Variants in GRIA1 observed in about 807,000 individuals in gnomAD.
GRIA1 encodes the protein glutamate receptor 1.
Under a neutral mutation model 99.2 loss-of-function variants are expected in GRIA1, and 31 were observed. The ratio of observed to expected loss-of-function variants is 0.31; its 90% CI spans 0.23 to 0.42. GRIA1 has a LOEUF of 0.42. Among genes scored for constraint, GRIA1 ranks in the 10% least tolerant of loss-of-function variants. GRIA1 has a pLI of 1.00. For missense variants in GRIA1, 782 were observed against 1,157.5 expected (o/e 0.68, Z 4.71); for synonymous variants, 438 against 432.4 (o/e 1.01, Z -0.16).
rs181793801 is a variant in GRIA1 at position 153,556,997 on chromosome 5, A to G, written c.220+62932A>G. Among the ~76,000 whole-genome samples the G allele has an allele frequency of 1.3e-3, 204 of 152,332 alleles. 1 individual carries two copies. Among genetic ancestry groups the G allele is most frequent in the Non-Finnish European group, 1.7e-3 (115 of 68,034 alleles). On this transcript the variant is annotated intron_variant, in intron 2 of 15. Coordinates refer to ENST00000285900, the MANE Select transcript of GRIA1 (RefSeq NM_000827.4). The stretch of plus-strand genomic sequence containing the variant: ...ATGTTACTGTACTGAATACTGAGGC[A>G]AGTGTAACACAATGGTAAGTATTTG...
At chr5:153,663,546 A>G (rs1755526762) in intron 5 of GRIA1, among the ~76,000 whole-genome samples, 2 of 152,330 alleles carry the variant, frequency 1.3e-5, no homozygotes, top group South Asian at 2.1e-4. Context: ...ATTAATGTGG[A>G]TCTCATAAGA....
rs147346883 is a variant in GRIA1 at position 153,660,227 on chromosome 5, A to G, written c.699+4355A>G. The stretch of plus-strand genomic sequence containing the variant: ...TGAGACACTTGAGTCACTGAATTAG[A>G]ATTCCTTAAACCCCTAATAAATTAC... On this transcript the variant is annotated intron_variant, in intron 5 of 15. Coordinates refer to ENST00000285900, the MANE Select transcript of GRIA1 (RefSeq NM_000827.4). Among the ~76,000 whole-genome samples the G allele has an allele frequency of 6.6e-5, 10 of 152,318 alleles. No homozygotes were observed. The East Asian group carries it at 1.9e-3, about 29-fold the overall frequency.
chr5:153,783,439 G>A (rs1764766011), intron 13 of GRIA1, among the ~76,000 whole-genome samples: 1 of 152,188 alleles, frequency 6.6e-6, no homozygotes, highest in Non-Finnish European at 1.5e-5. Context: ...CAAATGAACT[G>A]TTGACACCTG....
At chr5:153,492,167 A>G in intron 1 of GRIA1, 1 of 1,503,602 alleles carries the variant, frequency 6.7e-7, no homozygotes. Flanking sequence ...TTGAGGGGGG[A>G]TGTGGTGCAA....
chr5:153,610,028 A>T (rs1336414791), intron 2 of GRIA1, among the ~76,000 whole-genome samples: 1 of 152,210 alleles, frequency 6.6e-6, no homozygotes, highest in Non-Finnish European at 1.5e-5. Context: ...TACTGTCTGC[A>T]TGCCTGGAAG....
At chr5:153,490,098 T>C (rs946608810), upstream of GRIA1, among the ~76,000 whole-genome samples, 8 of 151,896 alleles carry the variant, frequency 5.3e-5, no homozygotes, top group African/African-American at 1.9e-4. Context: ...TCCTTTAAAT[T>C]TCCTAGGAGG....
intron 11 of GRIA1, among the ~76,000 whole-genome samples, chr5:153,721,608 G>T (rs1760076195): frequency 6.6e-6 from 1 of 152,134 alleles, no homozygotes; most frequent in Non-Finnish European, 1.5e-5. Context: ...CTACTGAATA[G>T]AATTATATAG....
At chr5:153,623,354 G>T in intron 2 of GRIA1, among the ~76,000 whole-genome samples, 1 of 152,110 alleles carries the variant, frequency 6.6e-6, no homozygotes, top group East Asian at 1.9e-4. Context: ...TGAAATCTGC[G>T]GTTGTTTCTT....
At chr5:153,542,846 T>C (rs1759252631) in intron 2 of GRIA1, among the ~76,000 whole-genome samples, 1 of 152,218 alleles carries the variant, frequency 6.6e-6, no homozygotes, top group Admixed American at 6.5e-5. Context: ...TCACATTATA[T>C]TATAATAGTT....
intron 2 of GRIA1, among the ~76,000 whole-genome samples, chr5:153,512,314 A>G (rs1032092425): frequency 5.3e-5 from 8 of 152,230 alleles, no homozygotes; most frequent in African/African-American, 1.7e-4. Context: ...AATAGGAATA[A>G]TAGTGTCATA....
At chr5:153,589,313 T>C (rs1260092603) in intron 2 of GRIA1, among the ~76,000 whole-genome samples, 2 of 152,196 alleles carry the variant, frequency 1.3e-5, no homozygotes, top group Non-Finnish European at 2.9e-5. Context: ...CTAATGGAAG[T>C]GCCCCGAGCA....
At chr5:153,664,848 C>T (rs912164589) in intron 5 of GRIA1, among the ~76,000 whole-genome samples, 4 of 152,096 alleles carry the variant, frequency 2.6e-5, no homozygotes, top group African/African-American at 9.7e-5. Context: ...CAATGGGCAC[C>T]TACTATATGG....
chr5:153,739,240 T>C (rs1188750605), intron 11 of GRIA1, among the ~76,000 whole-genome samples: 6 of 152,176 alleles, frequency 3.9e-5, no homozygotes, highest in Admixed American at 3.9e-4. Context: ...CCTCTGCCAT[T>C]CTTCCACTGG....
At chr5:153,568,274 T>C (rs1168122783) in intron 2 of GRIA1, among the ~76,000 whole-genome samples, 1 of 152,188 alleles carries the variant, frequency 6.6e-6, no homozygotes, top group Non-Finnish European at 1.5e-5. Context: ...TCAAAGAAGA[T>C]GAACTTTAGC....
intron 2 of GRIA1, among the ~76,000 whole-genome samples, chr5:153,533,748 G>C (rs1376479468): frequency 6.6e-6 from 1 of 152,198 alleles, no homozygotes; most frequent in East Asian, 1.9e-4. Flanking sequence ...GAAGGCAAGA[G>C]ATATTTGGCT....
At chr5:153,705,326 G>A (rs1430053856) in intron 10 of GRIA1, among the ~76,000 whole-genome samples, 4 of 152,172 alleles carry the variant, frequency 2.6e-5, no homozygotes, top group Non-Finnish European at 5.9e-5. Flanking sequence ...AGAGTGATCA[G>A]ACCCATTCCA....
intron 6 of GRIA1, 102 bp from the exon 7 acceptor site, chr5:153,676,892 C>T (rs1328030629): frequency 2.0e-5 from 19 of 934,640 alleles, no homozygotes; most frequent in Non-Finnish European, 2.8e-5. Flanking sequence ...GCCCACTGCA[C>T]ACCCTTCTCA....
chr5:153,738,805 C>T (rs1471340801), intron 11 of GRIA1, among the ~76,000 whole-genome samples: 1 of 150,222 alleles, frequency 6.7e-6, no homozygotes, highest in Non-Finnish European at 1.5e-5. Context: ...TCACCGCAAC[C>T]TCCGCCTCCC....
chr5:153,759,792 C>T (rs953435836), intron 11 of GRIA1, among the ~76,000 whole-genome samples: 1 of 152,014 alleles, frequency 6.6e-6, no homozygotes, highest in Non-Finnish European at 1.5e-5. Context: ...ATGCAATAAT[C>T]CTCCACAAAA....
Sources: gnomAD v4.1 joint callset for allele counts (sites outside exome capture counted in the v4.1 genomes callset) on GRCh38, gnomAD v4.1.1 for gene constraint, MANE v1.5 for transcripts, NCBI Gene and HGNC (gene_info 2026-07-23, HGNC 2026-07-21) for gene names.